Variants in TXNL4A observed in about 807,000 individuals in gnomAD.
The protein encoded by TXNL4A is thioredoxin like 4A, also known as thioredoxin-like protein 4A.
In TXNL4A, 17 loss-of-function variants were observed where a neutral mutation model predicts 14.6. The ratio of observed to expected loss-of-function variants is 1.16; its 90% CI spans 0.80 to 1.74. The LOEUF (loss-of-function observed/expected upper bound fraction) is 1.74. TXNL4A is among the 40% of genes most tolerant of loss of function. TXNL4A has a pLI of 0.00. For missense variants in TXNL4A, 74 were observed against 195.2 expected (o/e 0.38, Z 3.70); for synonymous variants, 83 against 70.6 (o/e 1.18, Z -0.88).
At chr18:80,006,973 A>C (rs1443505316) in intron 1 of TXNL4A, among the ~76,000 whole-genome samples, 1 of 152,192 alleles carries the variant, frequency 6.6e-6, no homozygotes, top group Non-Finnish European at 1.5e-5. Context: ...ATGTGATGAC[A>C]AAGAAAATGG....
chr18:80,014,302 C>A (rs1480173953), intron 1 of TXNL4A, among the ~76,000 whole-genome samples: 2 of 151,686 alleles, frequency 1.3e-5, no homozygotes, highest in Admixed American at 1.3e-4. Flanking sequence ...AGAAACACAG[C>A]AAGTCCCTTC....
Position 80,011,878 on chromosome 18 carries a change from C to T in TXNL4A, c.-61+21973G>A, listed in dbSNP as rs113092177. 0.3 allele frequency among the ~76,000 whole-genome samples: 45,356 copies of T among 151,872 alleles called. 7,070 individuals carry two copies. The highest frequency in any genetic ancestry group is 0.35 in the Non-Finnish European group (23,946 of 67,942). The stretch of plus-strand genomic sequence containing the variant: ...AGATCTTAAGTAGTTTAGACACACG[C>T]CTTTGCTCGAGGAAATTCACAGAAA... On this transcript the variant is annotated intron_variant, in intron 1 of 2. Coordinates refer to the TXNL4A transcript ENST00000585474. The surrounding 1 kb of genome is among the most constrained non-coding windows in gnomAD (Gnocchi z 4.1).
chr18:80,033,312 C>G (rs1197724882), intron 1 of TXNL4A, among the ~76,000 whole-genome samples: 3 of 147,048 alleles, frequency 2.0e-5, no homozygotes, highest in Non-Finnish European at 3.0e-5. Context: ...CACACACACA[C>G]AGACGTGTCT....
chr18:80,033,164 T>C (rs930353773), intron 1 of TXNL4A, among the ~76,000 whole-genome samples: 1 of 152,142 alleles, frequency 6.6e-6, no homozygotes, highest in Non-Finnish European at 1.5e-5. Context: ...CGATTGACAA[T>C]ATATACACAC....
intron 1 of TXNL4A, among the ~76,000 whole-genome samples, chr18:80,028,540 C>T (rs1271456605): frequency 1.3e-5 from 2 of 152,136 alleles, no homozygotes; most frequent in Non-Finnish European, 2.9e-5. Context: ...ACAAGAGATG[C>T]CACTGGATCA....
chr18:80,027,352 T>C (rs1459017298), intron 1 of TXNL4A, among the ~76,000 whole-genome samples: 1 of 151,784 alleles, frequency 6.6e-6, no homozygotes, highest in Non-Finnish European at 1.5e-5. Context: ...CAGGAGGGGA[T>C]GGAGATTTGT....
intron 1 of TXNL4A, among the ~76,000 whole-genome samples, chr18:80,008,560 G>C (rs1356586186): frequency 6.6e-6 from 1 of 151,824 alleles, no homozygotes; most frequent in East Asian, 1.9e-4. Flanking sequence ...TAATATTCAT[G>C]ACATTCCCTT....
intron 1 of TXNL4A, among the ~76,000 whole-genome samples, chr18:80,020,034 A>G: frequency 6.6e-6 from 1 of 152,154 alleles, no homozygotes; most frequent in East Asian, 1.9e-4. Context: ...GAACCCGGTG[A>G]AAGGTGATTG....
intron 1 of TXNL4A, among the ~76,000 whole-genome samples, chr18:80,024,785 G>T (rs933607421): frequency 3.2e-4 from 48 of 152,316 alleles, no homozygotes; most frequent in African/African-American, 1.2e-3. Flanking sequence ...TGACACACTT[G>T]TGCCAGGTAG....
At chr18:79,977,990 A>C (rs2051405232) in intron 1 of TXNL4A, 1 of 341,196 alleles carries the variant, frequency 2.9e-6, no homozygotes, top group Non-Finnish European at 5.4e-6. Context: ...TTTCAAACTA[A>C]TTCTTCAACA....
At chr18:80,020,121 C>G (rs564096179) in intron 1 of TXNL4A, among the ~76,000 whole-genome samples, 1 of 152,154 alleles carries the variant, frequency 6.6e-6, no homozygotes, top group African/African-American at 2.4e-5. Context: ...GCTTTAAAAA[C>G]GGGAGTTTGC....
chr18:79,979,668 A>C (rs755574949), intron 1 of TXNL4A: 2 of 152,448 alleles, frequency 1.3e-5, no homozygotes, highest in Non-Finnish European at 1.5e-5. Context: ...TTCTTTTCTC[A>C]TAAGTTACCC....
chr18:79,978,358 A>G (rs2051411485), intron 1 of TXNL4A, among the ~76,000 whole-genome samples: 2 of 152,196 alleles, frequency 1.3e-5, no homozygotes, highest in African/African-American at 4.8e-5. Context: ...AAATATTAAT[A>G]GTACCTCCAA....
chr18:80,028,527 C>G (rs1048861644), intron 1 of TXNL4A, among the ~76,000 whole-genome samples: 2 of 152,196 alleles, frequency 1.3e-5, no homozygotes, highest in Non-Finnish European at 1.5e-5. Flanking sequence ...CCAGGACAGA[C>G]CTACAAGAGA....
chr18:79,972,514 G>C lies in TXNL4A; in HGVS notation c.*1171C>G, dbSNP rs976355841. ...GAGTCTTGCTCTGTTGCCCAGGCTG[G>C]AGTGCAGTGGTGTGATCTCGGCTCA... On this transcript the variant is annotated 3_prime_UTR_variant, in exon 3 of 3. Transcript: ENST00000269601. The C allele has an allele frequency of 6.6e-6, 1 of 152,456 alleles. No individual in the cohort carries two copies. Among genetic ancestry groups the C allele is most frequent in the South Asian group, 2.1e-4 (1 of 4,828 alleles). The allele number at this position is 152,456 out of a possible 1,614,324, so 9.4% of individuals were successfully genotyped here.
chr18:79,991,977 T>G (rs2051631383), upstream of TXNL4A, among the ~76,000 whole-genome samples: 1 of 152,192 alleles, frequency 6.6e-6, no homozygotes, highest in Admixed American at 6.5e-5. Flanking sequence ...TGGTTCAGTC[T>G]GGAAAGGCGG....
chr18:79,988,574 G>C, upstream of TXNL4A: 1 of 559,334 alleles, frequency 1.8e-6, no homozygotes, highest in Non-Finnish European at 2.7e-6. Flanking sequence ...GGGCGCGCAC[G>C]CACCGACGCC....
intron 1 of TXNL4A, among the ~76,000 whole-genome samples, chr18:79,978,829 T>G (rs780734511): frequency 6.6e-6 from 1 of 151,290 alleles, no homozygotes; most frequent in Non-Finnish European, 1.5e-5. Context: ...TTCTTATAGA[T>G]ATATATTTTT....
At chr18:80,023,134 C>T (rs1179802773) in intron 1 of TXNL4A, among the ~76,000 whole-genome samples, 1 of 152,100 alleles carries the variant, frequency 6.6e-6, no homozygotes. Context: ...TCTTTAAATC[C>T]CATTGTCATT....
Sources: gnomAD v4.1 joint callset for allele counts (sites outside exome capture counted in the v4.1 genomes callset) on GRCh38, gnomAD v4.1.1 for gene constraint, Gnocchi (gnomAD v3.1) non-coding constraint, MANE v1.5 for transcripts, NCBI Gene and HGNC (gene_info 2026-07-23, HGNC 2026-07-21) for gene names.